SLCO6A1: variants seen among roughly 807,000 people sequenced by gnomAD.
The protein encoded by SLCO6A1 is solute carrier organic anion transporter family member 6A1.
A neutral mutation model predicts 72.7 loss-of-function variants in SLCO6A1; 65 were observed. That is an observed-to-expected ratio of 0.89 (90% CI 0.73 to 1.10). SLCO6A1 has a LOEUF of 1.10. Ranked by LOEUF, SLCO6A1 falls within the 50% of genes least tolerant of loss-of-function variation. SLCO6A1 has a pLI of 0.00. For missense variants in SLCO6A1, 874 were observed against 872.6 expected (o/e 1.00, Z -0.02); for synonymous variants, 314 against 298.2 (o/e 1.05, Z -0.55).
rs536249241 is a variant in SLCO6A1, at chr5:102,419,898, A to G, written c.1400T>C (p.Ile467Thr). Residue 467 changes from isoleucine to threonine, a missense_variant, in exon 8 of 14, where the codon ATA (isoleucine) becomes ACA (threonine). Ile to Thr is a moderately conservative substitution (Grantham distance 89). Coordinates refer to ENST00000506729, the MANE Select transcript of SLCO6A1 (RefSeq NM_173488.5). The part of the protein sequence containing the change: ...FIMVTSVISL[I>T]LLVFIIFVRC... ...TACAAAAATAATAAACACAAGCAGT[A>G]TAAGTGATATCACAGATGTAACCAT... 8.7e-6 allele frequency: 14 copies of G among 1,608,902 alleles called. No homozygotes were observed. The highest frequency in any genetic ancestry group is 3.4e-5 in the South Asian group (3 of 89,462).
intron 9 of SLCO6A1, among the ~76,000 whole-genome samples, chr5:102,404,301 C>T (rs1029939810): frequency 4.6e-5 from 7 of 152,170 alleles, no homozygotes; most frequent in African/African-American, 1.7e-4. Flanking sequence ...CGAGACCATC[C>T]TGGCTAACAT....
At chr5:102,435,743 T>C (rs572345839) in intron 7 of SLCO6A1, among the ~76,000 whole-genome samples, 3 of 152,022 alleles carry the variant, frequency 2.0e-5, no homozygotes, top group East Asian at 3.9e-4. Flanking sequence ...GGCGTGGTGG[T>C]GCATGCCTAT....
chr5:102,477,687 C>T lies in SLCO6A1; in HGVS notation c.791G>A (p.Gly264Asp). ...GGGGTAAAACTTGCCTAAATAGATA[C>T]CAGCTGAGTGTGTAGCAACATTCTC... ...IDENVATHSA[G>D]IYLGIAECTS... The change falls in exon 3 of 14, where the codon GGT becomes GAT. Residue 264 changes from glycine to aspartate, a missense_variant. By Grantham distance (94) the Gly-to-Asp change is moderately conservative. Transcript: ENST00000506729. 2.5e-6 allele frequency: 4 copies of T among 1,610,844 alleles called. No individual in the cohort carries two copies. The highest frequency in any genetic ancestry group is 3.4e-6 in the Non-Finnish European group (4 of 1,178,770).
At chr5:102,414,247 G>T (rs1459772908) in intron 8 of SLCO6A1, among the ~76,000 whole-genome samples, 1 of 151,710 alleles carries the variant, frequency 6.6e-6, no homozygotes, top group Non-Finnish European at 1.5e-5. Context: ...ATTTTATATG[G>T]TGCAAGATGT....
In SLCO6A1 at chr5:102,432,026, T is replaced by C. The variant is rs549566392; in HGVS notation, c.1276+6591A>G. On this transcript the variant is annotated intron_variant, in intron 7 of 13. Coordinates refer to ENST00000506729, the MANE Select transcript of SLCO6A1 (RefSeq NM_173488.5). ...TTTTACAATATTTGTTTATTTAAAG[T>C]CTGAAATTAGAATTGCAACCCCTTC... Among the ~76,000 whole-genome samples the C allele has an allele frequency of 6.8e-4, 103 of 152,350 alleles. No individual in the cohort carries two copies. The Middle Eastern group carries it at 0.01, about 15-fold the overall frequency.
chr5:102,445,168 A>C (rs1750041136), intron 6 of SLCO6A1, among the ~76,000 whole-genome samples: 1 of 152,190 alleles, frequency 6.6e-6, no homozygotes. Context: ...CAATGGCTGA[A>C]GTGATTTACA....
At chr5:102,383,380 C>A (rs1746232754) in intron 12 of SLCO6A1, among the ~76,000 whole-genome samples, 1 of 151,488 alleles carries the variant, frequency 6.6e-6, no homozygotes, top group Admixed American at 6.6e-5. Flanking sequence ...TCCTCTATAT[C>A]TAATTTTTAA....
At chr5:102,488,192 A>G (rs532000667) in intron 1 of SLCO6A1, among the ~76,000 whole-genome samples, 1 of 152,330 alleles carries the variant, frequency 6.6e-6, no homozygotes, top group South Asian at 2.1e-4. Flanking sequence ...TACAATAACT[A>G]TCATTATATT....
At chr5:102,497,063 T>C (rs573287935) in intron 1 of SLCO6A1, among the ~76,000 whole-genome samples, 17 of 152,346 alleles carry the variant, frequency 1.1e-4, no homozygotes, top group South Asian at 8.3e-4. Flanking sequence ...ATTGCACTTA[T>C]TTAGACCTAG....
At chr5:102,375,476 A>G (rs1487906515) in intron 12 of SLCO6A1, among the ~76,000 whole-genome samples, 1 of 152,164 alleles carries the variant, frequency 6.6e-6, no homozygotes, top group African/African-American at 2.4e-5. Flanking sequence ...TTATTCTATT[A>G]CACAAAAGGT....
intron 8 of SLCO6A1, among the ~76,000 whole-genome samples, chr5:102,417,098 G>T (rs755118724): frequency 6.6e-6 from 1 of 151,994 alleles, no homozygotes. Flanking sequence ...ATTATGTAAT[G>T]ATCTTCTTTA....
chr5:102,448,337 T>C (rs1750229467), intron 6 of SLCO6A1, among the ~76,000 whole-genome samples: 1 of 152,316 alleles, frequency 6.6e-6, no homozygotes, highest in South Asian at 2.1e-4. Context: ...ATGAGAAGAA[T>C]GTATATTTTG....
At chr5:102,458,725 G>A (rs1750871998) in intron 5 of SLCO6A1, among the ~76,000 whole-genome samples, 2 of 152,240 alleles carry the variant, frequency 1.3e-5, no homozygotes, top group Admixed American at 6.6e-5. Flanking sequence ...GTCCAATACT[G>A]TAGCCACTAG....
intron 6 of SLCO6A1, among the ~76,000 whole-genome samples, chr5:102,441,888 ATTT>A (rs1381616817): frequency 4.0e-5 from 6 of 151,182 alleles, no homozygotes; most frequent in Non-Finnish European, 5.9e-5. Context: ...TTTTACCTTT[ATTT>A]TTTATTTACT....
chr5:102,431,196 C>T (rs1038509465), intron 7 of SLCO6A1, among the ~76,000 whole-genome samples: 3 of 150,298 alleles, frequency 2.0e-5, no homozygotes, highest in Non-Finnish European at 4.5e-5. Flanking sequence ...ATTAATTTTT[C>T]AAAAAACCAA....
In SLCO6A1 at chr5:102,412,666, T is replaced by C. The variant is rs573733654; in HGVS notation, c.1626+324A>G. Among the ~76,000 whole-genome samples, 12 of 151,694 alleles carry C rather than the reference T, an allele frequency of 7.9e-5. No homozygotes were observed. In the South Asian group the frequency reaches 2.5e-3, roughly 32 times the overall value. ...GTTTCAACTATCCTGTAGGCTGAGG[T>C]GGGAGGATGGCTTGAGCCCAAGAGG... On this transcript the variant is annotated intron_variant, in intron 9 of 13. Coordinates refer to ENST00000506729, the MANE Select transcript of SLCO6A1 (RefSeq NM_173488.5).
At chr5:102,379,654 C>T (rs999640292) in intron 12 of SLCO6A1, among the ~76,000 whole-genome samples, 5 of 151,466 alleles carry the variant, frequency 3.3e-5, no homozygotes, top group Admixed American at 1.3e-4. Context: ...ATTATTATAG[C>T]TCTATAATAG....
intron 1 of SLCO6A1, among the ~76,000 whole-genome samples, chr5:102,487,896 A>C (rs935076516): frequency 1.3e-5 from 2 of 152,208 alleles, no homozygotes; most frequent in African/African-American, 2.4e-5. Flanking sequence ...TCAGCACACA[A>C]ATTTTTTAAC....
At chr5:102,421,000 C>T (rs574555130) in intron 7 of SLCO6A1, among the ~76,000 whole-genome samples, 4 of 152,020 alleles carry the variant, frequency 2.6e-5, no homozygotes, top group Non-Finnish European at 5.9e-5. Flanking sequence ...TCACCTCACC[C>T]GAGAAGCAGA....
Sources: gnomAD v4.1 joint callset for allele counts (sites outside exome capture counted in the v4.1 genomes callset) on GRCh38, gnomAD v4.1.1 for gene constraint, MANE v1.5 for transcripts, NCBI Gene and HGNC (gene_info 2026-07-23, HGNC 2026-07-21) for gene names.